The following BTD variants were observed in gnomAD, a reference collection of about 807,000 sequenced individuals.
The protein encoded by BTD is biocytinase.
In BTD, 13 loss-of-function variants were observed where a neutral mutation model predicts 17.7. That is an observed-to-expected ratio of 0.74 (90% CI 0.48 to 1.17). BTD has a LOEUF of 1.17. Among genes scored for constraint, BTD ranks in the 50% most tolerant of loss-of-function variants. The pLI, the probability that BTD is intolerant of heterozygous loss-of-function variation, is 0.00. For missense variants in BTD, 674 were observed against 650.4 expected, an observed-to-expected ratio of 1.04 and a Z score of -0.39; for synonymous variants, 240 against 245.2, an observed-to-expected ratio of 0.98 and a Z score of 0.20.
chr3:15,682,678 C>G (rs2067666914), intron 3 of BTD, among the ~76,000 whole-genome samples: 1 of 152,118 alleles, frequency 6.6e-6, no homozygotes, highest in Admixed American at 6.5e-5. Context: ...AGGTTGTTTT[C>G]TGTTCTGTTG....
At chr3:15,606,008 A>G (rs559196746) in intron 1 of BTD, among the ~76,000 whole-genome samples, 21 of 138,528 alleles carry the variant, frequency 1.5e-4, no homozygotes, top group Non-Finnish European at 3.0e-4. Context: ...GCACCACTGT[A>G]CTCTAGCCTG....
At chr3:15,676,337 C>T (rs2470539) in intron 3 of BTD, 92,696 of 189,578 alleles carry the variant, frequency 0.49, 25,528 homozygotes, top group Non-Finnish European at 0.59. Flanking sequence ...GGTAAAGATA[C>T]AGACTATACA....
chr3:15,719,174 T>A (rs1012214335), intron 4 of BTD, among the ~76,000 whole-genome samples: 1 of 152,204 alleles, frequency 6.6e-6, no homozygotes. Flanking sequence ...ATACATTTTG[T>A]CCTGTAGTTG....
intron 3 of BTD, among the ~76,000 whole-genome samples, chr3:15,660,468 C>T (rs1026000988): frequency 1.3e-5 from 2 of 152,198 alleles, no homozygotes; most frequent in Non-Finnish European, 2.9e-5. Flanking sequence ...TCATTTGAAT[C>T]CATGTTAAAA....
chr3:15,708,761 G>A (rs1472697), intron 3 of BTD, among the ~76,000 whole-genome samples: 70,726 of 151,938 alleles, frequency 0.47, 19,325 homozygotes, highest in Non-Finnish European at 0.6. Flanking sequence ...AGTAATTATG[G>A]TGTCAAATAG....
chr3:15,705,136 T>C (rs2071181097), intron 3 of BTD, among the ~76,000 whole-genome samples: 1 of 152,228 alleles, frequency 6.6e-6, no homozygotes, highest in Non-Finnish European at 1.5e-5. Flanking sequence ...TCAGGCTGTT[T>C]AGTGTACATA....
At chr3:15,672,806 G>A (rs915826064) in intron 3 of BTD, among the ~76,000 whole-genome samples, 2 of 151,866 alleles carry the variant, frequency 1.3e-5, no homozygotes, top group African/African-American at 2.4e-5. Context: ...GACGAAGTCT[G>A]GCTCTGTCAC....
At chr3:15,708,400 C>T (rs1462004619) in intron 3 of BTD, among the ~76,000 whole-genome samples, 1 of 151,860 alleles carries the variant, frequency 6.6e-6, no homozygotes, top group Non-Finnish European at 1.5e-5. Context: ...GGAAAGTTTC[C>T]CCTACATTAA....
chr3:15,711,243 G>C, exon 4 of BTD: 1 of 1,612,324 alleles, frequency 6.2e-7, no homozygotes, highest in Non-Finnish European at 8.5e-7. Context: ...GACAAGTCCT[G>C]CCAAAATCAT....
intron 3 of BTD, among the ~76,000 whole-genome samples, chr3:15,705,408 A>G (rs1253004031): frequency 1.3e-5 from 2 of 152,170 alleles, no homozygotes; most frequent in Non-Finnish European, 2.9e-5. Context: ...GGGGGAAGGA[A>G]TGTGGGAGAC....
intron 3 of BTD, among the ~76,000 whole-genome samples, chr3:15,697,815 C>A (rs1254706910): frequency 6.6e-6 from 1 of 152,146 alleles, no homozygotes; most frequent in African/African-American, 2.4e-5. Context: ...GGTACCAGCT[C>A]CTCTTTGTAC....
chr3:15,644,863 A>G lies in BTD; in HGVS notation c.947A>G (p.Gln316Arg), dbSNP rs747259439. 4.3e-6 allele frequency: 7 copies of G among 1,614,078 alleles called. No homozygotes were observed. Among genetic ancestry groups the G allele is most frequent in the Non-Finnish European group, 5.9e-6 (7 of 1,180,028 alleles). ...ENPKSHLIIAQVAKNPVGLIG... is the reference protein window; with the variant it reads ...ENPKSHLIIARVAKNPVGLIG... ...CCCAAAAGTCACCTTATAATTGCCC[A>G]GGTGGCCAAAAATCCAGTGGGTCTC... The change falls in exon 4 of 4, where the codon CAG becomes CGG. Residue 316 changes from glutamine (Q) to arginine (R), a missense_variant. Coordinates refer to ENST00000643237, the MANE Select transcript of BTD (RefSeq NM_001370658.1).
At chr3:15,613,883 G>C (rs543713978) in intron 1 of BTD, among the ~76,000 whole-genome samples, 2 of 152,094 alleles carry the variant, frequency 1.3e-5, no homozygotes, top group South Asian at 4.2e-4. Flanking sequence ...TGAAAAGTCT[G>C]CTGTTTTCAA....
chr3:15,658,095 G>A (rs567051420), downstream of BTD, among the ~76,000 whole-genome samples: 37 of 151,882 alleles, frequency 2.4e-4, no homozygotes, highest in African/African-American at 3.9e-4. Flanking sequence ...TTGAACCGGG[G>A]AGGTGGAGGT....
rs2065725775 is a variant in BTD, at chr3:15,647,600, A to G, written c.*2112A>G. 6.6e-6 allele frequency: 1 copy of G among 152,246 alleles called. No homozygotes were observed. The highest frequency in any genetic ancestry group is 2.1e-4 in the South Asian group (1 of 4,830). The allele number at this position is 152,246 out of a possible 1,614,324, so 9.4% of individuals were successfully genotyped here. A position where few individuals can be genotyped will look rare whatever the true frequency, so the allele number is the denominator to read the frequency against. On this transcript the variant is annotated 3_prime_UTR_variant, in exon 4 of 4. Coordinates refer to ENST00000643237, the MANE Select transcript of BTD (RefSeq NM_001370658.1). The stretch of plus-strand genomic sequence containing the variant: ...AAGTAGCTGCCAGATGACAGAACAA[A>G]GTAGAGGACGGGAAAATAAATCATT...
chr3:15,666,424 A>G (rs2065993183), intron 3 of BTD, among the ~76,000 whole-genome samples: 1 of 152,142 alleles, frequency 6.6e-6, no homozygotes, highest in Non-Finnish European at 1.5e-5. Context: ...CTCATCTGTT[A>G]AATGGTGCTA....
chr3:15,682,193 TC>T (rs1205088404), intron 3 of BTD, among the ~76,000 whole-genome samples: 1 of 152,224 alleles, frequency 6.6e-6, no homozygotes, highest in African/African-American at 2.4e-5. Flanking sequence ...AAAATAGTTT[TC>T]ATAAAAAAAG....
rs1470714486 is a variant in BTD at position 15,645,578 on chromosome 3, G to A, written c.*90G>A. ...CTACAAGCCCTGGGACCATCTTTCTGCCTTAAGGGCAGGAGCCCACTTCTG... is the reference window on the plus strand; with the variant it reads ...CTACAAGCCCTGGGACCATCTTTCTACCTTAAGGGCAGGAGCCCACTTCTG... On this transcript the variant is annotated 3_prime_UTR_variant, in exon 4 of 4. Transcript: ENST00000643237. 13 of 1,491,388 alleles carry A rather than the reference G, an allele frequency of 8.7e-6. No individual in the cohort carries two copies. The highest frequency in any genetic ancestry group is 1.0e-5 in the Non-Finnish European group (11 of 1,099,430). The allele number at this position is 1,491,388 out of a possible 1,614,324, so 92.4% of individuals were successfully genotyped here.
upstream of BTD, chr3:15,601,622 C>A: frequency 2.6e-6 from 4 of 1,558,680 alleles, no homozygotes; most frequent in South Asian, 4.6e-5. Context: ...AAGAGGCGGT[C>A]TAAATTCGTC....
Sources: gnomAD v4.1 joint callset for allele counts (sites outside exome capture counted in the v4.1 genomes callset) on GRCh38, gnomAD v4.1.1 for gene constraint, MANE v1.5 for transcripts, NCBI Gene and HGNC (gene_info 2026-07-23, HGNC 2026-07-21) for gene names.